Variants in CGNL1 observed in about 807,000 individuals in gnomAD.
The protein encoded by CGNL1 is cingulin-like protein 1.
Under a neutral mutation model 141.2 loss-of-function variants are expected in CGNL1, and 132 were observed. That is an observed-to-expected ratio of 0.93 (90% CI 0.81 to 1.08). CGNL1 has a LOEUF of 1.08. Among genes scored for constraint, CGNL1 ranks in the 50% least tolerant of loss-of-function variants. The probability of loss-of-function intolerance (pLI) is 0.00; values close to 1 mark genes in which losing one functional copy is unlikely to be tolerated. For missense variants in CGNL1, 1,870 were observed against 1,588.6 expected, an observed-to-expected ratio of 1.18 and a Z score of -3.01; for synonymous variants, 690 against 622.1, an observed-to-expected ratio of 1.11 and a Z score of -1.63.
At chr15:57,494,747 A>G (rs949889647) in intron 8 of CGNL1, among the ~76,000 whole-genome samples, 8 of 152,184 alleles carry the variant, frequency 5.3e-5, no homozygotes, top group African/African-American at 7.2e-5. Flanking sequence ...GCCACTTGCA[A>G]TGGTGCACAG....
At position 57,426,007 on chromosome 15, in the gene CGNL1, G is replaced by A. The variant is rs181990570; in HGVS notation, c.-15-11978G>A. On this transcript the variant is annotated intron_variant, in intron 1 of 18. Transcript: ENST00000281282. ...CTCACCAATTCTAGGGCCTGGCTTA[G>A]GAAGGTATGTAGGCAGGGACCCCCC... Among the ~76,000 whole-genome samples, 607 of 152,170 alleles carry A rather than the reference G, an allele frequency of 4.0e-3. 6 individuals carry two copies. Among genetic ancestry groups the A allele is most frequent in the African/African-American group, 0.014 (574 of 41,522 alleles).
At chr15:57,381,959 C>T (rs1347504225) in intron 1 of CGNL1, among the ~76,000 whole-genome samples, 1 of 152,184 alleles carries the variant, frequency 6.6e-6, no homozygotes, top group Non-Finnish European at 1.5e-5. Context: ...CTGAACGGGT[C>T]CCACATCCTA....
intron 8 of CGNL1, among the ~76,000 whole-genome samples, chr15:57,490,446 G>A (rs2152376969): frequency 6.6e-6 from 1 of 152,122 alleles, no homozygotes; most frequent in South Asian, 2.1e-4. Flanking sequence ...ACATTGATGA[G>A]GTATGGCACA....
rs2033051583 is a variant in CGNL1 at position 57,550,183 on chromosome 15, G to A, written c.*2693G>A. The A allele has an allele frequency of 6.6e-6, 1 of 152,302 alleles. No individual in the cohort carries two copies. Among genetic ancestry groups the A allele is most frequent in the Admixed American group, 6.5e-5 (1 of 15,284 alleles). 9.4% of individuals were successfully genotyped at this position (152,302 alleles called of 1,614,324 possible). On this transcript the variant is annotated 3_prime_UTR_variant, in exon 19 of 19. Transcript: ENST00000281282. Reference sequence around the variant, plus strand: ...CACTCTGAGGGAGTTGGCAACGCATGCGGTATAGTGGAGTGGGAAGAGTTG... The same window carrying A: ...CACTCTGAGGGAGTTGGCAACGCATACGGTATAGTGGAGTGGGAAGAGTTG...
intron 1 of CGNL1, among the ~76,000 whole-genome samples, chr15:57,424,560 G>C (rs1280102323): frequency 6.6e-6 from 1 of 152,172 alleles, no homozygotes; most frequent in African/African-American, 2.4e-5. Context: ...TCCCAGATGA[G>C]CTGATGAGCA....
At chr15:57,468,298 T>G (rs2063536482) in intron 8 of CGNL1, among the ~76,000 whole-genome samples, 1 of 136,118 alleles carries the variant, frequency 7.3e-6, no homozygotes, top group African/African-American at 2.8e-5. Flanking sequence ...TGGAGTGCAG[T>G]GGCACGATCT....
intron 1 of CGNL1, among the ~76,000 whole-genome samples, chr15:57,380,233 C>T (rs1362461413): frequency 6.6e-6 from 1 of 152,096 alleles, no homozygotes; most frequent in African/African-American, 2.4e-5. Flanking sequence ...GGGGTTTCAC[C>T]ATGTTGGCCA....
rs2062762225 is a variant in CGNL1, at chr15:57,409,525, A to G, written c.-15-28460A>G. 2.0e-5 allele frequency among the ~76,000 whole-genome samples: 3 copies of G among 152,210 alleles called. No individual in the cohort carries two copies. The South Asian group carries it at 6.2e-4, about 32-fold the overall frequency. On this transcript the variant is annotated intron_variant, in intron 1 of 18. Transcript: ENST00000281282. The stretch of plus-strand genomic sequence containing the variant: ...CAGCTGTAATCCAATAGAGATATGC[A>G]TATAGCTCTAATTAGGGCCATGGTG...
rs1385915322 is a variant in CGNL1, at chr15:57,385,972, C to T, written c.-16+9405C>T. Among the ~76,000 whole-genome samples the T allele has an allele frequency of 2.6e-5, 4 of 152,358 alleles. No individual in the cohort carries two copies. The East Asian group carries it at 7.7e-4, about 29-fold the overall frequency. On this transcript the variant is annotated intron_variant, in intron 1 of 18. Transcript: ENST00000281282. ...ACAACGGTAGCTCTTTTTAACATCT[C>T]TGATCCAAGGGAGCTATTGGCCAGG...
chr15:57,459,884 G>A (rs1267533585), intron 7 of CGNL1, among the ~76,000 whole-genome samples: 3 of 152,126 alleles, frequency 2.0e-5, no homozygotes, highest in African/African-American at 7.2e-5. Context: ...CTGAATCTGA[G>A]GTGCCACAGG....
At chr15:57,504,572 A>G (rs1442564356) in intron 8 of CGNL1, among the ~76,000 whole-genome samples, 1 of 152,228 alleles carries the variant, frequency 6.6e-6, no homozygotes, top group East Asian at 1.9e-4. Flanking sequence ...TTAACGAAGA[A>G]AAGCTTATTT....
chr15:57,527,543 C>T (rs1477945074), intron 12 of CGNL1: 3 of 152,360 alleles, frequency 2.0e-5, no homozygotes, highest in African/African-American at 7.2e-5. Flanking sequence ...GATCAGCCCA[C>T]ACAGATGTTT....
intron 8 of CGNL1, among the ~76,000 whole-genome samples, chr15:57,505,590 C>T (rs1178060647): frequency 6.6e-6 from 1 of 152,224 alleles, no homozygotes; most frequent in Non-Finnish European, 1.5e-5. Flanking sequence ...ATAAAGGTCA[C>T]TCTTGTCAGG....
rs566685806 is a variant in CGNL1 at position 57,455,023 on chromosome 15, A to G, written c.2190+1205A>G. ...TTTCATCTACCCATGTATATATAAT[A>G]TAAGGACAATCATAATGTCCCTACA... On this transcript the variant is annotated intron_variant, in intron 7 of 18. Transcript: ENST00000281282. Among the ~76,000 whole-genome samples, 21 of 152,346 alleles carry G rather than the reference A, an allele frequency of 1.4e-4. No homozygotes were observed. In the South Asian group the frequency reaches 4.4e-3, roughly 32 times the overall value.
chr15:57,430,104 C>T (rs76730837), intron 1 of CGNL1, among the ~76,000 whole-genome samples: 2,373 of 152,306 alleles, frequency 0.016, 73 homozygotes, highest in African/African-American at 0.054. Flanking sequence ...AGCCACTGCC[C>T]GGCTGATCTT....
chr15:57,517,805 T>G (rs1188924018), intron 9 of CGNL1, among the ~76,000 whole-genome samples: 8 of 152,176 alleles, frequency 5.3e-5, no homozygotes, highest in African/African-American at 1.9e-4. Context: ...CATCACCCCC[T>G]AAAGGTCCCA....
chr15:57,428,285 A>G lies in CGNL1; in HGVS notation c.-15-9700A>G, dbSNP rs188692757. Among the ~76,000 whole-genome samples, 58 of 152,356 alleles carry G rather than the reference A, an allele frequency of 3.8e-4. No homozygotes were observed. In the East Asian group the frequency reaches 0.011, roughly 28 times the overall value. ...AAAAGTGAAAATGTGGTCTCTGCTC[A>G]AGAAAGAGTGCAGGTCTTAGAGACA... is the stretch of plus-strand genomic sequence containing the variant. On this transcript the variant is annotated intron_variant, in intron 1 of 18. Transcript: ENST00000281282.
chr15:57,486,258 G>A (rs1266785149), intron 8 of CGNL1, among the ~76,000 whole-genome samples: 1 of 152,170 alleles, frequency 6.6e-6, no homozygotes, highest in Non-Finnish European at 1.5e-5. Flanking sequence ...TTCTGTGTTA[G>A]GTCATCTGTC....
At chr15:57,418,145 G>A (rs761862904) in intron 1 of CGNL1, among the ~76,000 whole-genome samples, 11 of 152,092 alleles carry the variant, frequency 7.2e-5, no homozygotes, top group Admixed American at 1.3e-4. Flanking sequence ...AGGAGAGGAG[G>A]CTTCTTGTCT....
Sources: gnomAD v4.1 joint callset for allele counts (sites outside exome capture counted in the v4.1 genomes callset) on GRCh38, gnomAD v4.1.1 for gene constraint, MANE v1.5 for transcripts, NCBI Gene and HGNC (gene_info 2026-07-23, HGNC 2026-07-21) for gene names.